Variants in GOLIM4 observed in about 807,000 individuals in gnomAD.
The protein encoded by GOLIM4 is 130 kDa golgi-localized phosphoprotein.
Under a neutral mutation model 107.4 loss-of-function variants are expected in GOLIM4, and 71 were observed. The observed-to-expected ratio is 0.66, with a 90% CI of 0.55 to 0.81. GOLIM4 has a LOEUF of 0.81. GOLIM4 is among the 30% of genes least tolerant of loss of function. The probability of loss-of-function intolerance (pLI) is 0.00; values close to 1 mark genes in which losing one functional copy is unlikely to be tolerated. For synonymous variants in GOLIM4, 327 were observed against 294.8 expected, an observed-to-expected ratio of 1.11 and a Z score of -1.12; for missense variants, 830 against 826.1, an observed-to-expected ratio of 1.00 and a Z score of -0.06.
intron 10 of GOLIM4, 139 bp from the exon 11 acceptor site, chr3:168,029,441 C>T (rs1010901913): frequency 1.8e-6 from 1 of 571,200 alleles, no homozygotes; most frequent in Non-Finnish European, 3.0e-6. Flanking sequence ...TTTTAAAAAC[C>T]TCTTATGTAT....
At chr3:168,095,067 G>GC in intron 1 of GOLIM4, 32 bp downstream of exon 1, 1 of 1,555,800 alleles carries the variant, frequency 6.4e-7, no homozygotes, top group Non-Finnish European at 8.8e-7. Flanking sequence ...GGCAAAGTTG[G>GC]CCACCGGCTG....
intron 8 of GOLIM4, among the ~76,000 whole-genome samples, chr3:168,033,561 T>C (rs1412040556): frequency 1.7e-5 from 2 of 118,268 alleles, no homozygotes; most frequent in Non-Finnish European, 3.2e-5. Flanking sequence ...GAGCCGAGAT[T>C]GCGCCACTGC....
At chr3:168,049,675 C>T (rs1308248413) in intron 1 of GOLIM4, among the ~76,000 whole-genome samples, 1 of 152,158 alleles carries the variant, frequency 6.6e-6, no homozygotes, top group Non-Finnish European at 1.5e-5. Context: ...TGGCTGCTGC[C>T]AAAGTCATCA....
intron 1 of GOLIM4, among the ~76,000 whole-genome samples, chr3:168,057,634 G>C (rs1335969759): frequency 6.6e-6 from 1 of 152,100 alleles, no homozygotes; most frequent in East Asian, 1.9e-4. Context: ...CGACACATGG[G>C]GATTACAATT....
chr3:168,046,911 A>G, intron 3 of GOLIM4, 39 bp downstream of exon 3: 2 of 1,088,508 alleles, frequency 1.8e-6, no homozygotes, highest in Non-Finnish European at 2.6e-6. Context: ...AAACAAATTA[A>G]GGAAAACAAA....
chr3:168,095,611 T>G lies in GOLIM4; in HGVS notation c.-326A>C. On this transcript the variant is annotated 5_prime_UTR_variant, in exon 1 of 16. Coordinates refer to ENST00000470487, the MANE Select transcript of GOLIM4 (RefSeq NM_014498.5). ...TGTCCCCAGATGCCTCCTGCCTTTT[T>G]TCCTTCTTCCCACTTTTTGGCCCCG... The G allele has an allele frequency of 1.8e-5, 5 of 280,212 alleles. No individual in the cohort carries two copies. The highest frequency in any genetic ancestry group is 1.3e-5 in the Non-Finnish European group (2 of 149,624). The allele number at this position is 280,212 out of a possible 1,614,324, so 17.4% of individuals were successfully genotyped here.
chr3:168,030,362 C>T (rs1348079345), intron 9 of GOLIM4, among the ~76,000 whole-genome samples: 2 of 152,004 alleles, frequency 1.3e-5, no homozygotes, highest in Non-Finnish European at 2.9e-5. Context: ...CTGATATAAA[C>T]AAGTAGTTGG....
At chr3:168,092,175 G>C (rs1403149750) in intron 1 of GOLIM4, among the ~76,000 whole-genome samples, 1 of 152,188 alleles carries the variant, frequency 6.6e-6, no homozygotes, top group Non-Finnish European at 1.5e-5. Context: ...AAACTTTAAA[G>C]GTTATATAAA....
chr3:168,016,806 A>G (rs1261208499), intron 14 of GOLIM4, among the ~76,000 whole-genome samples: 1 of 140,316 alleles, frequency 7.1e-6, no homozygotes, highest in Non-Finnish European at 1.5e-5. Flanking sequence ...AAAACCAAAC[A>G]CCGCATATTC....
In GOLIM4 at chr3:168,022,740, A is replaced by G. The variant is rs553373965; in HGVS notation, c.1860+1786T>C. 9.2e-5 allele frequency among the ~76,000 whole-genome samples: 14 copies of G among 152,364 alleles called. No individual in the cohort carries two copies. The South Asian group carries it at 1.0e-3, about 11-fold the overall frequency. On this transcript the variant is annotated intron_variant, in intron 14 of 15. Coordinates refer to ENST00000470487, the MANE Select transcript of GOLIM4 (RefSeq NM_014498.5). The stretch of plus-strand genomic sequence containing the variant: ...GACTTCCACTAAGAGCACATGGAGC[A>G]ACAGTTCTCAGTGATGGGGTGGTAA...
At chr3:168,075,078 T>C (rs929658782) in intron 1 of GOLIM4, among the ~76,000 whole-genome samples, 9 of 152,112 alleles carry the variant, frequency 5.9e-5, no homozygotes, top group Non-Finnish European at 1.2e-4. Flanking sequence ...TTTGTTCTGA[T>C]TGATGCCAAC....
At chr3:168,028,034 T>C (rs772699821) in intron 11 of GOLIM4, among the ~76,000 whole-genome samples, 197 bp from the exon 12 acceptor site, 14 of 152,224 alleles carry the variant, frequency 9.2e-5, no homozygotes, top group East Asian at 1.9e-4. Context: ...AGAGAGATGA[T>C]ATGGGTCAGA....
intron 1 of GOLIM4, among the ~76,000 whole-genome samples, chr3:168,051,598 A>G (rs1394039086): frequency 6.6e-6 from 1 of 152,226 alleles, no homozygotes; most frequent in Non-Finnish European, 1.5e-5. Flanking sequence ...AGAAGAATGT[A>G]TTTTTGCAAA....
rs529118374 is a variant in GOLIM4, at chr3:168,012,055, G to A, written c.1861-1232C>T. On this transcript the variant is annotated intron_variant, in intron 14 of 15. Transcript: ENST00000470487. ...AAGCTGGATGGAGAATGACATTGACGAGCTGAGAGAAGGCTTCAGACGATC... is the reference window on the plus strand; with the variant it reads ...AAGCTGGATGGAGAATGACATTGACAAGCTGAGAGAAGGCTTCAGACGATC... Among the ~76,000 whole-genome samples the A allele has an allele frequency of 1.2e-3, 119 of 97,468 alleles. 1 individual carries two copies. Among genetic ancestry groups the A allele is most frequent in the African/African-American group, 8.6e-3 (113 of 13,202 alleles). 63.9% of individuals were successfully genotyped at this position (97,468 alleles called of 152,430 possible).
chr3:168,021,217 G>T (rs1717659386), intron 14 of GOLIM4, among the ~76,000 whole-genome samples: 1 of 152,190 alleles, frequency 6.6e-6, no homozygotes, highest in African/African-American at 2.4e-5. Context: ...ACACATTGAA[G>T]ATATTATGGG....
Position 168,079,343 on chromosome 3 carries a change from T to C in GOLIM4, c.187+15756A>G, listed in dbSNP as rs1353529383. 2.0e-5 allele frequency among the ~76,000 whole-genome samples: 3 copies of C among 152,204 alleles called. No homozygotes were observed. In the East Asian group the frequency reaches 5.8e-4, roughly 29 times the overall value. On this transcript the variant is annotated intron_variant, in intron 1 of 15. Coordinates refer to ENST00000470487, the MANE Select transcript of GOLIM4 (RefSeq NM_014498.5). Reference sequence around the variant, plus strand: ...CACAAGAGCATATATTGTTTGATTTTATTTACACAAAGTACAAAAACAGGT... The same window carrying C: ...CACAAGAGCATATATTGTTTGATTTCATTTACACAAAGTACAAAAACAGGT...
chr3:168,010,812 A>G lies in GOLIM4; in HGVS notation c.1872T>C (p.Asp624=), dbSNP rs536061259. ...QEEAEEEVQE[D]LTEEKKRELE... The stretch of plus-strand genomic sequence containing the variant: ...GTTCCCTTTTTTTCTCTTCAGTCAA[A>G]TCTTCCTGAACCTAAAACAAACCAC... Residue 624 remains aspartate, a synonymous_variant, in exon 15 of 16, where the codon GAT becomes GAC. Transcript: ENST00000470487. 1 of 1,609,646 alleles carries G rather than the reference A, an allele frequency of 6.2e-7. No homozygotes were observed. Among genetic ancestry groups the G allele is most frequent in the African/African-American group, 1.3e-5 (1 of 74,956 alleles).
Position 168,010,187 on chromosome 3 carries a change from C to T in GOLIM4, c.*82G>A. Reference sequence around the variant, plus strand: ...GTTCTTAATTTTTGTAATTAAATATCCTAGAGTTCAGTAGGCAGATTTATG... The same window carrying T: ...GTTCTTAATTTTTGTAATTAAATATTCTAGAGTTCAGTAGGCAGATTTATG... On this transcript the variant is annotated 3_prime_UTR_variant, in exon 16 of 16. Coordinates refer to ENST00000470487, the MANE Select transcript of GOLIM4 (RefSeq NM_014498.5). The T allele has an allele frequency of 8.0e-7, 1 of 1,244,868 alleles. No individual in the cohort carries two copies. The highest frequency in any genetic ancestry group is 1.1e-6 in the Non-Finnish European group (1 of 900,678). 77.1% of individuals were successfully genotyped at this position (1,244,868 alleles called of 1,614,324 possible).
At chr3:168,071,910 G>A (rs1720851467) in intron 1 of GOLIM4, among the ~76,000 whole-genome samples, 1 of 152,098 alleles carries the variant, frequency 6.6e-6, no homozygotes, top group South Asian at 2.1e-4. Context: ...GCCTGTGACG[G>A]AGTTTCCCTG....
Sources: gnomAD v4.1 joint callset for allele counts (sites outside exome capture counted in the v4.1 genomes callset) on GRCh38, gnomAD v4.1.1 for gene constraint, MANE v1.5 for transcripts, NCBI Gene and HGNC (gene_info 2026-07-23, HGNC 2026-07-21) for gene names.